Variants in RAD51B observed in about 807,000 individuals in gnomAD.
The protein encoded by RAD51B is DNA repair protein RAD51 homolog 2.
A neutral mutation model predicts 42.2 loss-of-function variants in RAD51B; 38 were observed. The ratio of observed to expected loss-of-function variants is 0.90; its 90% CI spans 0.70 to 1.18. RAD51B has a LOEUF of 1.18. Ranked by LOEUF, RAD51B falls within the 50% of genes most tolerant of loss-of-function variation. RAD51B has a pLI of 0.00. For synonymous variants in RAD51B, 154 were observed against 145.2 expected (o/e 1.06, Z -0.43); for missense variants, 373 against 400.7 (o/e 0.93, Z 0.59).
intron 10 of RAD51B, among the ~76,000 whole-genome samples, chr14:68,593,286 G>A (rs965362093): frequency 6.6e-6 from 1 of 152,234 alleles, no homozygotes; most frequent in Non-Finnish European, 1.5e-5. Flanking sequence ...CCCACCTCAT[G>A]GAATTGTTCT....
chr14:68,230,588 C>CA (rs1478471039), intron 7 of RAD51B, among the ~76,000 whole-genome samples: 2 of 151,824 alleles, frequency 1.3e-5, no homozygotes, highest in East Asian at 1.9e-4. Context: ...GTGTTCCTAC[C>CA]AAAAAAAGGA....
chr14:68,294,716 TAC>T (rs2081580637), intron 8 of RAD51B, among the ~76,000 whole-genome samples: 1 of 152,208 alleles, frequency 6.6e-6, no homozygotes, highest in African/African-American at 2.4e-5. Context: ...AATTCTGACT[TAC>T]AGAGTAGGAA....
intron 7 of RAD51B, among the ~76,000 whole-genome samples, chr14:68,153,359 A>C (rs1292141049): frequency 6.6e-6 from 1 of 152,148 alleles, no homozygotes; most frequent in African/African-American, 2.4e-5. Context: ...TTTCCTTTGT[A>C]CACATTGATT....
chr14:68,252,916 A>G (rs1421061001), intron 7 of RAD51B, among the ~76,000 whole-genome samples: 4 of 152,108 alleles, frequency 2.6e-5, no homozygotes, highest in African/African-American at 9.7e-5. Flanking sequence ...CCCCGACTCT[A>G]CTAAAAGTAC....
chr14:68,251,091 A>G (rs1195591839), intron 7 of RAD51B, among the ~76,000 whole-genome samples: 1 of 152,180 alleles, frequency 6.6e-6, no homozygotes, highest in African/African-American at 2.4e-5. Flanking sequence ...ACTAGTTGTC[A>G]AGGCCCTGCT....
chr14:68,090,716 T>C (rs1163164685), intron 7 of RAD51B, among the ~76,000 whole-genome samples: 2 of 150,544 alleles, frequency 1.3e-5, no homozygotes, highest in African/African-American at 2.4e-5. Context: ...TTATTATTAT[T>C]ATACTTTAAG....
At chr14:68,090,591 T>G (rs912718727) in intron 7 of RAD51B, among the ~76,000 whole-genome samples, 2 of 151,976 alleles carry the variant, frequency 1.3e-5, no homozygotes, top group African/African-American at 4.8e-5. Flanking sequence ...TACTTCAGGT[T>G]TGCAAACATA....
intron 10 of RAD51B, among the ~76,000 whole-genome samples, chr14:68,505,392 C>G (rs570945171): frequency 6.6e-6 from 1 of 152,296 alleles, no homozygotes; most frequent in Admixed American, 6.5e-5. Context: ...TAGCCAGTCC[C>G]TTGCCACAGT....
At chr14:67,860,609 T>A (rs1016907792) in intron 4 of RAD51B, among the ~76,000 whole-genome samples, 2 of 152,166 alleles carry the variant, frequency 1.3e-5, no homozygotes, top group Admixed American at 1.3e-4. Context: ...TGGGGGAAAC[T>A]ATATTAATGT....
At chr14:68,619,061 A>G (rs1404345919) in intron 10 of RAD51B, among the ~76,000 whole-genome samples, 1 of 152,172 alleles carries the variant, frequency 6.6e-6, no homozygotes, top group Non-Finnish European at 1.5e-5. Context: ...TCAGCTTTTA[A>G]CCCTAGCCAG....
rs572137192 is a variant in RAD51B at position 68,564,340 on chromosome 14, C to G, written c.1037-30145C>G. On this transcript the variant is annotated intron_variant, in intron 10 of 10. Coordinates refer to the RAD51B transcript ENST00000487270. ...CTGTGGGTATTGGCCTGCAGCTTGG[C>G]TGGTCTCCTTTTGGGAGAGGTCATG... is the stretch of plus-strand genomic sequence containing the variant. Among the ~76,000 whole-genome samples, 108 of 152,240 alleles carry G rather than the reference C, an allele frequency of 7.1e-4. 1 individual carries two copies. Among genetic ancestry groups the G allele is most frequent in the Non-Finnish European group, 9.3e-4 (63 of 68,044 alleles).
rs117230187 is a variant in RAD51B, at chr14:68,202,519, A to G, written c.757-89365A>G. Among the ~76,000 whole-genome samples, 1,347 of 147,830 alleles carry G rather than the reference A, an allele frequency of 9.1e-3. 10 individuals are homozygous for G. The highest frequency in any genetic ancestry group is 0.013 in the Non-Finnish European group (851 of 66,820). On this transcript the variant is annotated intron_variant, in intron 7 of 10. Coordinates refer to ENST00000471583, the MANE Select transcript of RAD51B (RefSeq NM_133510.4). ...TGATGTTCACAGCACCTTCACCAGG[A>G]GTAGATCCCATCTCAAGAAACTACT...
intron 5 of RAD51B, among the ~76,000 whole-genome samples, chr14:67,875,032 A>T (rs1367819051): frequency 1.3e-5 from 2 of 152,198 alleles, no homozygotes; most frequent in Non-Finnish European, 1.5e-5. Flanking sequence ...ATCAATAAGC[A>T]TGTGAGAAAA....
At chr14:68,377,729 C>G (rs1449312943) in intron 8 of RAD51B, among the ~76,000 whole-genome samples, 2 of 152,230 alleles carry the variant, frequency 1.3e-5, no homozygotes, top group Middle Eastern at 3.2e-3. Context: ...CTTTCGAAAT[C>G]AAGCAGCCTG....
At chr14:68,109,001 G>A (rs183474476) in intron 7 of RAD51B, among the ~76,000 whole-genome samples, 1 of 151,748 alleles carries the variant, frequency 6.6e-6, no homozygotes, top group Admixed American at 6.6e-5. Context: ...ATTATATACA[G>A]GCAAAAACTG....
At chr14:68,605,050 G>A (rs113879063) in intron 10 of RAD51B, among the ~76,000 whole-genome samples, 1,807 of 152,208 alleles carry the variant, frequency 0.012, 44 homozygotes, top group African/African-American at 0.041. Context: ...AGCCTCCCTC[G>A]CTCCAGCCCT....
In RAD51B at chr14:68,545,769, T is replaced by C. The variant is rs552517529; in HGVS notation, c.1037-48716T>C. 5.8e-4 allele frequency: 221 copies of C among 383,436 alleles called. 1 individual carries two copies. Among genetic ancestry groups the C allele is most frequent in the Non-Finnish European group, 9.1e-4 (173 of 190,392 alleles). 23.8% of individuals were successfully genotyped at this position (383,436 alleles called of 1,614,324 possible). A position where few individuals can be genotyped will look rare whatever the true frequency, so the allele number is the denominator to read the frequency against. The stretch of plus-strand genomic sequence containing the variant: ...TCACAGATGAATAGGACATGGAATA[T>C]AGAGTAGGGGGTTGGGCAGAAGAAG... On this transcript the variant is annotated intron_variant, in intron 10 of 10. Coordinates refer to the RAD51B transcript ENST00000487270.
downstream of RAD51B, among the ~76,000 whole-genome samples, chr14:68,482,720 C>T (rs1168661561): frequency 1.3e-5 from 2 of 152,176 alleles, no homozygotes; most frequent in African/African-American, 4.8e-5. Flanking sequence ...CACTTCTCAG[C>T]CAAACATCCT....
Position 68,565,843 on chromosome 14 carries a change from C to T in RAD51B, c.1037-28642C>T, listed in dbSNP as rs1379416668. Among the ~76,000 whole-genome samples, 6 of 152,150 alleles carry T rather than the reference C, an allele frequency of 3.9e-5. No homozygotes were observed. The highest frequency in any genetic ancestry group is 1.4e-4 in the African/African-American group (6 of 41,436). Reference sequence around the variant, plus strand: ...TGGTGTCTCACTCCATCCAGTTCTCCCAGTGCAACTGGGGAGGGTATCTGG... The same window carrying T: ...TGGTGTCTCACTCCATCCAGTTCTCTCAGTGCAACTGGGGAGGGTATCTGG... On this transcript the variant is annotated intron_variant, in intron 10 of 10. Coordinates refer to the RAD51B transcript ENST00000487270. This position sits in a 1 kb window ranked among gnomAD's most constrained non-coding sequence, Gnocchi z 4.1.
Sources: allele counts gnomAD v4.1 joint callset (sites outside exome capture counted in the v4.1 genomes callset), GRCh38; gene constraint gnomAD v4.1.1; non-coding constraint Gnocchi (gnomAD v3.1); transcripts MANE v1.5; gene names NCBI Gene and HGNC (gene_info 2026-07-23, HGNC 2026-07-21).